PPFIA1: variants seen among roughly 807,000 people sequenced by gnomAD.
The protein encoded by PPFIA1 is liprin-alpha-1.
PPFIA1 carries 25 observed loss-of-function variants against 149.9 expected under a neutral mutation model. That is an observed-to-expected ratio of 0.17 (90% CI 0.12 to 0.23). The LOEUF (loss-of-function observed/expected upper bound fraction) is 0.23. Ranked by LOEUF, PPFIA1 falls within the 10% of genes least tolerant of loss-of-function variation. The probability of loss-of-function intolerance (pLI) is 1.00; values close to 1 mark genes in which losing one functional copy is unlikely to be tolerated. For missense variants in PPFIA1, 1,362 were observed against 1,506.5 expected (o/e 0.90, Z 1.59); for synonymous variants, 549 against 552.8 (o/e 0.99, Z 0.10).
At position 70,335,178 on chromosome 11, in the gene PPFIA1, C is replaced by T. The variant is rs111879452; in HGVS notation, c.1297-385C>T. 3.3e-4 allele frequency among the ~76,000 whole-genome samples: 51 copies of T among 152,258 alleles called. 1 individual carries two copies. The highest frequency in any genetic ancestry group is 6.8e-3 in the Middle Eastern group (2 of 294). Reference sequence around the variant, plus strand: ...TGCTTTGTAAATTAAGTTCACCCTTCCTCCCCAAATCCAGACCCAAGCTTT... The same window carrying T: ...TGCTTTGTAAATTAAGTTCACCCTTTCTCCCCAAATCCAGACCCAAGCTTT... On this transcript the variant is annotated intron_variant, in intron 10 of 27. Transcript: ENST00000253925.
chr11:70,336,078 A>G (rs1481813173), intron 11 of PPFIA1, among the ~76,000 whole-genome samples: 4 of 152,216 alleles, frequency 2.6e-5, no homozygotes, highest in Non-Finnish European at 5.9e-5. Flanking sequence ...GAGTCTGGCT[A>G]TGTTCCAATA....
At chr11:70,347,822 T>C (rs2055807921) in intron 15 of PPFIA1, among the ~76,000 whole-genome samples, 1 of 151,874 alleles carries the variant, frequency 6.6e-6, no homozygotes, top group Non-Finnish European at 1.5e-5. Flanking sequence ...GCCAACATGG[T>C]GAAACCCCGT....
intron 2 of PPFIA1, among the ~76,000 whole-genome samples, chr11:70,306,521 G>A (rs888823833): frequency 6.6e-6 from 1 of 152,186 alleles, no homozygotes; most frequent in African/African-American, 2.4e-5. Flanking sequence ...CAATTGTGAT[G>A]TAAAATAAAT....
At chr11:70,332,271 C>T (rs1477680603) in intron 9 of PPFIA1, among the ~76,000 whole-genome samples, 177 bp downstream of exon 9, 2 of 152,136 alleles carry the variant, frequency 1.3e-5, no homozygotes, top group East Asian at 3.8e-4. Context: ...CAGACATGAT[C>T]CTTTTATCCC....
chr11:70,356,382 G>T (rs1446483663), intron 19 of PPFIA1, 128 bp downstream of exon 19: 16 of 712,906 alleles, frequency 2.2e-5, no homozygotes, highest in Non-Finnish European at 1.4e-5. Context: ...TTTACCTACA[G>T]CCTTAATTAA....
Position 70,326,621 on chromosome 11 carries a change from C to T in PPFIA1, c.733C>T (p.His245Tyr), listed in dbSNP as rs1228571347. The part of the protein sequence containing the change: ...GKRSSDGSLS[H>Y]EEDLAKVIEL... ...GAGATCTTCTGATGGTTCTTTAAGC[C>T]ACGAGGAAGACCTTGCTAAAGTAAT... Residue 245 changes from histidine (H) to tyrosine (Y), a missense_variant, in exon 7 of 28, where the codon CAC becomes TAC. Physicochemically the swap from His to Tyr is moderately conservative, Grantham distance 83. This residue lies in a region of PPFIA1 where 733 missense variants were observed against 744.1 expected (regional missense o/e 0.99). Transcript: ENST00000253925. 2.5e-6 allele frequency: 4 copies of T among 1,613,852 alleles called. No homozygotes were observed. In the South Asian group the frequency reaches 4.4e-5, roughly 18 times the overall value.
intron 2 of PPFIA1, 136 bp downstream of exon 2, chr11:70,272,572 T>C: frequency 9.1e-7 from 1 of 1,102,436 alleles, no homozygotes; most frequent in Non-Finnish European, 1.3e-6. Context: ...TGTTTGTAAG[T>C]CAAATACAAA....
At chr11:70,358,333 T>G (rs2056457363) in intron 19 of PPFIA1, 1 of 152,188 alleles carries the variant, frequency 6.6e-6, no homozygotes, top group African/African-American at 2.4e-5. Context: ...GTGATTCTCC[T>G]GCCTCAGCCT....
intron 2 of PPFIA1, among the ~76,000 whole-genome samples, chr11:70,280,269 A>C (rs962878578): frequency 1.3e-5 from 2 of 150,674 alleles, no homozygotes; most frequent in South Asian, 2.1e-4. Context: ...TGTATATAAA[A>C]ATTTTTAAGA....
intron 15 of PPFIA1, among the ~76,000 whole-genome samples, chr11:70,347,124 A>C (rs1213477818): frequency 6.6e-6 from 1 of 152,132 alleles, no homozygotes; most frequent in East Asian, 1.9e-4. Context: ...GGAAACTCCT[A>C]ATTGTTTTGT....
At chr11:70,356,125 T>C in intron 18 of PPFIA1, 36 bp from the exon 19 acceptor site, 1 of 1,495,220 alleles carries the variant, frequency 6.7e-7, no homozygotes, top group Non-Finnish European at 9.3e-7. Flanking sequence ...TTTGTCATGC[T>C]GATTTTTACT....
chr11:70,359,957 C>T (rs1053503108), intron 19 of PPFIA1, among the ~76,000 whole-genome samples: 6 of 152,242 alleles, frequency 3.9e-5, no homozygotes, highest in African/African-American at 1.4e-4. Context: ...GAACAGTCCC[C>T]CCAGAGAAAA....
rs150603415 is a variant in PPFIA1 at position 70,335,673 on chromosome 11, A to G, written c.1407A>G (p.Arg469=). 2 of 1,613,946 alleles carry G rather than the reference A, an allele frequency of 1.2e-6. No homozygotes were observed. The highest frequency in any genetic ancestry group is 1.7e-6 in the Non-Finnish European group (2 of 1,179,972). Residue 469 remains arginine, a synonymous_variant, in exon 11 of 28, where the codon AGA becomes AGG. Coordinates refer to ENST00000253925, the MANE Select transcript of PPFIA1 (RefSeq NM_003626.5). ...GGCTTCAACTTCATCTTAAAGAGAG[A>G]ATGGCTGCTTTGGAAGATAAGGTAA... ...NERLQLHLKE[R]MAALEDKNSL...
chr11:70,354,466 A>G lies in PPFIA1; in HGVS notation c.2315+14A>G. 1 of 1,607,614 alleles carries G rather than the reference A, an allele frequency of 6.2e-7. No individual in the cohort carries two copies. Among genetic ancestry groups the G allele is most frequent in the South Asian group, 1.1e-5 (1 of 89,944 alleles). The stretch of plus-strand genomic sequence containing the variant: ...GGACATAAGGAAGTAAGGAGCCTGC[A>G]GCAGCCCCATGCAGAGCGCACCTGT... On this transcript the variant is annotated intron_variant, in intron 17 of 27. Coordinates refer to ENST00000253925, the MANE Select transcript of PPFIA1 (RefSeq NM_003626.5).
chr11:70,346,496 G>A (rs996138093), intron 15 of PPFIA1, among the ~76,000 whole-genome samples: 2 of 152,154 alleles, frequency 1.3e-5, no homozygotes, highest in African/African-American at 4.8e-5. Context: ...TGTGCTGCCT[G>A]TGTTTTTGAC....
chr11:70,323,010 G>A (rs1339957093), intron 2 of PPFIA1, among the ~76,000 whole-genome samples: 1 of 152,174 alleles, frequency 6.6e-6, no homozygotes, highest in Non-Finnish European at 1.5e-5. Context: ...CAGTGAAATT[G>A]TGGCTAATTC....
In PPFIA1 at chr11:70,383,129, A is replaced by G. The variant is rs1288714076; in HGVS notation, c.*139A>G. On this transcript the variant is annotated 3_prime_UTR_variant, in exon 28 of 28. Coordinates refer to ENST00000253925, the MANE Select transcript of PPFIA1 (RefSeq NM_003626.5). Reference sequence around the variant, plus strand: ...TATGGACCCTAAGATATTTTATTACAGAGTTTTTAATTAGTGAAAAATTCA... The same window carrying G: ...TATGGACCCTAAGATATTTTATTACGGAGTTTTTAATTAGTGAAAAATTCA... 2.7e-6 allele frequency: 1 copy of G among 370,910 alleles called. No homozygotes were observed. The highest frequency in any genetic ancestry group is 2.3e-5 in the African/African-American group (1 of 43,884). The allele number at this position is 370,910 out of a possible 1,614,324, so 23.0% of individuals were successfully genotyped here. A position where few individuals can be genotyped will look rare whatever the true frequency, so the allele number is the denominator to read the frequency against.
intron 2 of PPFIA1, among the ~76,000 whole-genome samples, chr11:70,306,692 A>G (rs1286188249): frequency 6.6e-6 from 1 of 152,248 alleles, no homozygotes; most frequent in African/African-American, 2.4e-5. Context: ...TAGCAACACA[A>G]AAGAAGAGGT....
chr11:70,348,958 A>G (rs988290797), intron 16 of PPFIA1, among the ~76,000 whole-genome samples: 2 of 152,184 alleles, frequency 1.3e-5, no homozygotes, highest in Non-Finnish European at 2.9e-5. Flanking sequence ...GACATTAGGC[A>G]TGACATCTGT....
Sources: allele counts gnomAD v4.1 joint callset (sites outside exome capture counted in the v4.1 genomes callset), GRCh38; gene constraint gnomAD v4.1.1; regional missense constraint gnomAD v4.1.1; transcripts MANE v1.5; gene names NCBI Gene and HGNC (gene_info 2026-07-23, HGNC 2026-07-21).